TAMM41: variants seen among roughly 807,000 people sequenced by gnomAD.
The protein encoded by TAMM41 is phosphatidate cytidylyltransferase, mitochondrial.
TAMM41 carries 36 observed loss-of-function variants against 44.1 expected under a neutral mutation model. That is an observed-to-expected ratio of 0.82 (90% confidence interval 0.63 to 1.08). The LOEUF (loss-of-function observed/expected upper bound fraction) is 1.08. TAMM41 is among the 50% of genes least tolerant of loss of function. TAMM41 has a pLI of 0.00. For missense variants in TAMM41, 417 were observed against 404.3 expected (o/e 1.03, Z -0.27); for synonymous variants, 164 against 153.1 (o/e 1.07, Z -0.53).
chr3:11,728,535 C>G, the TAMM41 span, among the ~76,000 whole-genome samples: 1 of 152,372 alleles, frequency 6.6e-6, no homozygotes, highest in East Asian at 1.9e-4. Context: ...CTCTTCCTTT[C>G]TTTCTTGCAG....
chr3:11,728,782 G>A, the TAMM41 span, among the ~76,000 whole-genome samples: 1 of 152,158 alleles, frequency 6.6e-6, no homozygotes, highest in Non-Finnish European at 1.5e-5. Context: ...GCCGAGGCGG[G>A]CGGATCACCT....
chr3:11,797,307 CA>C (rs1575606733), intron 7 of TAMM41, among the ~76,000 whole-genome samples: 1 of 152,204 alleles, frequency 6.6e-6, no homozygotes, highest in East Asian at 1.9e-4. Context: ...ACACATAGAC[CA>C]ATGGAACAGA....
chr3:11,798,868 T>C (rs968240619), intron 7 of TAMM41, among the ~76,000 whole-genome samples: 1 of 152,094 alleles, frequency 6.6e-6, no homozygotes. Context: ...TAGGTAATGA[T>C]ACCAAAAGAA....
chr3:11,752,625 C>CTTTTTTTTTTTTTTTTTG, the TAMM41 span, among the ~76,000 whole-genome samples: 1 of 39,938 alleles, frequency 2.5e-5, no homozygotes, highest in Non-Finnish European at 5.0e-5. Context: ...TCTTACAAAG[C>CTTTTTTTTTTTTTTTTTG]TTTTTTTTTT....
At chr3:11,814,797 C>T (rs926991419) in intron 5 of TAMM41, among the ~76,000 whole-genome samples, 1 of 152,050 alleles carries the variant, frequency 6.6e-6, no homozygotes, top group Non-Finnish European at 1.5e-5. Flanking sequence ...ACTGTTTCTA[C>T]TAAAAACACA....
At chr3:11,746,268 C>T in the TAMM41 span, among the ~76,000 whole-genome samples, 1 of 146,744 alleles carries the variant, frequency 6.8e-6, no homozygotes, top group African/African-American at 2.5e-5. Flanking sequence ...CGCACCACTG[C>T]ACTCCAGCCT....
intron 7 of TAMM41, among the ~76,000 whole-genome samples, chr3:11,805,159 G>A (rs1459238003): frequency 2.0e-5 from 3 of 151,888 alleles, no homozygotes; most frequent in Non-Finnish European, 4.4e-5. Context: ...GTGCCACCAC[G>A]CCCAGCTAAT....
chr3:11,833,970 A>G (rs9827613), intron 3 of TAMM41, among the ~76,000 whole-genome samples: 86,909 of 152,066 alleles, frequency 0.57, 26,695 homozygotes, highest in East Asian at 0.78. Context: ...AGGCCAGACA[A>G]GGGGGCTCAT....
chr3:11,808,193 T>A, intron 6 of TAMM41: 1 of 1,063,746 alleles, frequency 9.4e-7, no homozygotes. Context: ...AAGGGCATTT[T>A]ATGACTTAAA....
the TAMM41 span, among the ~76,000 whole-genome samples, chr3:11,745,550 T>C: frequency 6.6e-6 from 1 of 152,164 alleles, no homozygotes; most frequent in Non-Finnish European, 1.5e-5. Flanking sequence ...TTGAGGACAT[T>C]ATGCTAAGTG....
chr3:11,784,639 T>A, the TAMM41 span, among the ~76,000 whole-genome samples: 1 of 152,154 alleles, frequency 6.6e-6, no homozygotes, highest in East Asian at 1.9e-4. Flanking sequence ...GGAGAGTGGG[T>A]GGTGGTTAAT....
chr3:11,762,115 C>A, the TAMM41 span, among the ~76,000 whole-genome samples: 1 of 152,102 alleles, frequency 6.6e-6, no homozygotes, highest in African/African-American at 2.4e-5. Flanking sequence ...CCACCCAGAG[C>A]CCTGCAGGCC....
the TAMM41 span, among the ~76,000 whole-genome samples, chr3:11,774,759 T>C: frequency 1.3e-5 from 2 of 152,234 alleles, no homozygotes; most frequent in African/African-American, 2.4e-5. Flanking sequence ...CAACTTCACA[T>C]AGAAGAAGGA....
chr3:11,839,344 G>C (rs1330006103), intron 2 of TAMM41, 30 bp from the exon 3 acceptor site: 2 of 1,367,750 alleles, frequency 1.5e-6, no homozygotes, highest in East Asian at 2.3e-5. Context: ...GCACAAAACG[G>C]AGTAAAATAC....
chr3:11,776,379 A>G, the TAMM41 span, among the ~76,000 whole-genome samples: 28 of 152,102 alleles, frequency 1.8e-4, no homozygotes, highest in South Asian at 4.8e-3. Flanking sequence ...CTTTGAATTC[A>G]TGAACTGAAG....
intron 7 of TAMM41, among the ~76,000 whole-genome samples, chr3:11,804,249 CAAG>C (rs557578518): frequency 1.4e-3 from 219 of 152,208 alleles, no homozygotes; most frequent in African/African-American, 4.8e-3. Context: ...TTGAAGGTGT[CAAG>C]AAGATCTTTT....
chr3:11,832,992 A>T, intron 3 of TAMM41: 1 of 1,031,272 alleles, frequency 9.7e-7, no homozygotes, highest in Non-Finnish European at 1.2e-6. Context: ...TGAAAATAAA[A>T]GCATCCTTAC....
the TAMM41 span, among the ~76,000 whole-genome samples, chr3:11,773,864 G>A: frequency 6.6e-6 from 1 of 152,176 alleles, no homozygotes; most frequent in Admixed American, 6.5e-5. Context: ...TGAGGTGGGT[G>A]GATCACCTGA....
At chr3:11,789,233 T>A (rs34140760), downstream of TAMM41, among the ~76,000 whole-genome samples, 4,762 of 152,288 alleles carry the variant, frequency 0.031, 97 homozygotes, top group Middle Eastern at 0.048. Context: ...TTTGGCTGAA[T>A]CTGAAGTCTG....
Sources: allele counts gnomAD v4.1 joint callset (sites outside exome capture counted in the v4.1 genomes callset), GRCh38; gene constraint gnomAD v4.1.1; transcripts MANE v1.5; gene names NCBI Gene and HGNC (gene_info 2026-07-23, HGNC 2026-07-21).